The following GPATCH1 variants were observed in gnomAD, a reference collection of about 807,000 sequenced individuals.
GPATCH1 encodes the protein G-patch domain containing 1.
In GPATCH1, 73 loss-of-function variants were observed where a neutral mutation model predicts 114.9. The observed-to-expected ratio is 0.64, with a 90% CI of 0.53 to 0.77. The LOEUF is 0.77. Among genes scored for constraint, GPATCH1 ranks in the 30% least tolerant of loss-of-function variants. GPATCH1 has a pLI of 0.00. For synonymous variants in GPATCH1, 391 were observed against 428.4 expected (o/e 0.91, Z 1.08); for missense variants, 1,058 against 1,144.3 (o/e 0.92, Z 1.09).
chr19:33,094,033 C>T lies in GPATCH1; in HGVS notation c.456-139C>T, dbSNP rs77566136. 2.7e-3 allele frequency: 1,692 copies of T among 622,692 alleles called. 9 individuals carry two copies. Among genetic ancestry groups the T allele is most frequent in the Non-Finnish European group, 3.4e-3 (1,174 of 346,132 alleles). 38.6% of individuals were successfully genotyped at this position (622,692 alleles called of 1,614,324 possible). On this transcript the variant is annotated intron_variant, in intron 4 of 19. Transcript: ENST00000170564. ...TGCTGTGGCTGGAATGGCAGGGTCA[C>T]GCCAGATGTAATGTGGGTGAGGGCA...
Position 33,084,340 on chromosome 19 carries a change from T to C in GPATCH1, c.73+3074T>C, listed in dbSNP as rs533323765. ...ACAGTGGCTGAACTTTATAGACACATAGGCCTTCTAATCTGGAAAGAAGGG... is the reference window on the plus strand; with the variant it reads ...ACAGTGGCTGAACTTTATAGACACACAGGCCTTCTAATCTGGAAAGAAGGG... On this transcript the variant is annotated intron_variant, in intron 1 of 19. Coordinates refer to ENST00000170564, the MANE Select transcript of GPATCH1 (RefSeq NM_018025.3). Among the ~76,000 whole-genome samples, 7 of 152,268 alleles carry C rather than the reference T, an allele frequency of 4.6e-5. No individual in the cohort carries two copies. In the South Asian group the frequency reaches 1.4e-3, roughly 32 times the overall value.
chr19:33,106,643 C>T, intron 9 of GPATCH1, 52 bp from the exon 10 acceptor site: 2 of 1,451,432 alleles, frequency 1.4e-6, no homozygotes, highest in Non-Finnish European at 1.9e-6. Context: ...CTGATTAAAT[C>T]AAACATGATC....
chr19:33,123,415 A>G (rs1973007192), intron 17 of GPATCH1, among the ~76,000 whole-genome samples: 1 of 151,818 alleles, frequency 6.6e-6, no homozygotes, highest in Admixed American at 6.6e-5. Context: ...AAAAAAAATT[A>G]AAAGAATTTT....
intron 1 of GPATCH1, 44 bp from the exon 2 acceptor site, chr19:33,088,087 TCTC>T (rs1972552037): frequency 2.6e-6 from 3 of 1,172,948 alleles, no homozygotes; most frequent in African/African-American, 3.2e-5. Flanking sequence ...GAACCGACCA[TCTC>T]CTCTCTTTTT....
rs146142634 is a variant in GPATCH1, at chr19:33,113,829, C to T, written c.1955C>T (p.Thr652Met). ...RDKYSVFNFL[T>M]LPETASLPTT... ...AAGTACTCAGTCTTCAACTTTCTGA[C>T]GCTCCCAGAGACAGCTTCCTTGCCC... The change falls in exon 14 of 20, where the codon ACG becomes ATG. Residue 652 changes from threonine (T) to methionine (M), a missense_variant. Thr to Met is a moderately conservative substitution (Grantham distance 81, BLOSUM62 -1). This residue lies in a region of GPATCH1 where 893 missense variants were observed against 977.4 expected (regional missense o/e 0.91). Coordinates refer to ENST00000170564, the MANE Select transcript of GPATCH1 (RefSeq NM_018025.3). The T allele has an allele frequency of 1.7e-4, 276 of 1,613,580 alleles. No individual in the cohort carries two copies. The East Asian group carries it at 5.5e-3, about 32-fold the overall frequency.
intron 16 of GPATCH1, 86 bp from the exon 17 acceptor site, chr19:33,118,924 T>C (rs756700590): frequency 1.2e-5 from 9 of 762,544 alleles, no homozygotes; most frequent in Non-Finnish European, 1.7e-5. Context: ...AAGCATATGT[T>C]ATCTGGTGGC....
chr19:33,112,837 T>C (rs374450767), intron 13 of GPATCH1: 2 of 388,714 alleles, frequency 5.1e-6, no homozygotes, highest in Non-Finnish European at 9.1e-6. Context: ...ATATTGAAGC[T>C]ATGAAACTCA....
At chr19:33,081,380 G>C (rs1423077813) in intron 1 of GPATCH1, 114 bp downstream of exon 1, 154 of 769,014 alleles carry the variant, frequency 2.0e-4, no homozygotes, top group Middle Eastern at 2.7e-4. Flanking sequence ...CCAGCGCTGG[G>C]AACACGGCGA....
At position 33,126,733 on chromosome 19, in the gene GPATCH1, G is replaced by C; in HGVS notation, c.2765G>C (p.Arg922Pro). 1 of 1,607,954 alleles carries C rather than the reference G, an allele frequency of 6.2e-7. No individual in the cohort carries two copies. Among genetic ancestry groups the C allele is most frequent in the East Asian group, 2.2e-5 (1 of 44,850 alleles). The change falls in exon 19 of 20, where the codon CGG (arginine) becomes CCG (proline). Residue 922 changes from arginine to proline, a missense_variant and splice_region_variant. This residue lies in a region of GPATCH1 where 893 missense variants were observed against 977.4 expected (regional missense o/e 0.91). Coordinates refer to ENST00000170564, the MANE Select transcript of GPATCH1 (RefSeq NM_018025.3). ...ADVSPQELLR[R>P]LKSLPLRRQ is the part of the protein sequence containing the mutation. ...GTGTCGCCCCAGGAGCTGCTGAGAC[G>C]GTGGGTAGTGGGAGATGGAGGGTTT...
At chr19:33,119,655 A>G (rs921323299) in intron 17 of GPATCH1, among the ~76,000 whole-genome samples, 2 of 148,512 alleles carry the variant, frequency 1.3e-5, no homozygotes, top group African/African-American at 5.0e-5. Context: ...CCGATATTGC[A>G]CCATTGCACT....
At chr19:33,093,670 G>A in intron 4 of GPATCH1, 151 bp downstream of exon 4, 1 of 730,384 alleles carries the variant, frequency 1.4e-6, no homozygotes, top group Non-Finnish European at 2.3e-6. Context: ...AAAGGATCTT[G>A]CACTGTCATT....
At position 33,092,931 on chromosome 19, in the gene GPATCH1, G is replaced by A. The variant is rs185709907; in HGVS notation, c.295-428G>A. Among the ~76,000 whole-genome samples, 325 of 152,298 alleles carry A rather than the reference G, an allele frequency of 2.1e-3. 1 individual carries two copies. The highest frequency in any genetic ancestry group is 3.2e-3 in the Non-Finnish European group (217 of 68,022). The stretch of plus-strand genomic sequence containing the variant: ...AGGCGGGGCACGGTGGCTCATGCCT[G>A]TAATCCCAGCACTTTGGGAGGCTGA... On this transcript the variant is annotated intron_variant, in intron 3 of 19. Transcript: ENST00000170564.
intron 8 of GPATCH1, among the ~76,000 whole-genome samples, chr19:33,099,759 C>T (rs1050732150): frequency 2.0e-5 from 3 of 150,082 alleles, no homozygotes; most frequent in African/African-American, 7.3e-5. Flanking sequence ...CCACCACGCC[C>T]AGCTAATTTT....
chr19:33,121,475 A>G (rs1412243437), intron 17 of GPATCH1, among the ~76,000 whole-genome samples: 2 of 151,776 alleles, frequency 1.3e-5, no homozygotes, highest in African/African-American at 2.4e-5. Context: ...ATGTGCCACC[A>G]TGGCTGGCTA....
intron 19 of GPATCH1, among the ~76,000 whole-genome samples, chr19:33,129,209 T>C (rs944920386): frequency 4.6e-5 from 7 of 151,172 alleles, no homozygotes; most frequent in Admixed American, 4.0e-4. Context: ...ATCGCGCCAC[T>C]GTACTCCAGC....
chr19:33,083,243 C>CAAAAAA (rs759998717), intron 1 of GPATCH1, among the ~76,000 whole-genome samples: 3 of 61,688 alleles, frequency 4.9e-5, no homozygotes, highest in Non-Finnish European at 9.7e-5. Flanking sequence ...GACTCTGTCT[C>CAAAAAA]AAAAAAAAAA....
chr19:33,112,677 C>T (rs538155473), intron 13 of GPATCH1, 64 bp downstream of exon 13: 33 of 1,299,476 alleles, frequency 2.5e-5, no homozygotes, highest in Non-Finnish European at 3.6e-5. Flanking sequence ...TAATTTTCCC[C>T]TTACATACTC....
At chr19:33,084,653 C>CTT (rs1186895985) in intron 1 of GPATCH1, among the ~76,000 whole-genome samples, 4 of 144,538 alleles carry the variant, frequency 2.8e-5, no homozygotes, top group Admixed American at 7.0e-5. Context: ...TGACCTTGCC[C>CTT]TTTTTTTTTT....
intron 3 of GPATCH1, among the ~76,000 whole-genome samples, chr19:33,092,152 T>G (rs1388664095): frequency 6.6e-6 from 1 of 151,980 alleles, no homozygotes; most frequent in Non-Finnish European, 1.5e-5. Context: ...GTTCAAGTGA[T>G]TCTCCTGCCT....
Sources: allele counts gnomAD v4.1 joint callset (sites outside exome capture counted in the v4.1 genomes callset), GRCh38; gene constraint gnomAD v4.1.1; regional missense constraint gnomAD v4.1.1; transcripts MANE v1.5; gene names NCBI Gene and HGNC (gene_info 2026-07-23, HGNC 2026-07-21).